The following EXD2 variants were observed in gnomAD, a reference collection of about 807,000 sequenced individuals.
EXD2 encodes exonuclease 3'-5' domain-containing protein 2.
EXD2 carries 40 observed loss-of-function variants against 62.5 expected under a neutral mutation model. That is an observed-to-expected ratio of 0.64 (90% CI 0.50 to 0.83). The LOEUF is 0.83. Among genes scored for constraint, EXD2 ranks in the 40% least tolerant of loss-of-function variants. The pLI is 0.00. For missense variants in EXD2, 671 were observed against 761.8 expected, an observed-to-expected ratio of 0.88 and a Z score of 1.40; for synonymous variants, 239 against 291.9, an observed-to-expected ratio of 0.82 and a Z score of 1.85.
chr14:69,238,965 CAGA>C (rs2043895773), intron 9 of EXD2, among the ~76,000 whole-genome samples: 3 of 152,144 alleles, frequency 2.0e-5, no homozygotes, highest in African/African-American at 7.2e-5. Flanking sequence ...TCCACAGATG[CAGA>C]ACCCACAAAG....
At chr14:69,227,764 G>T (rs567854444) in intron 3 of EXD2, among the ~76,000 whole-genome samples, 1 of 152,106 alleles carries the variant, frequency 6.6e-6, no homozygotes, top group African/African-American at 2.4e-5. Flanking sequence ...AACTCGGGAG[G>T]CGGAGGTTGC....
At chr14:69,238,761 A>G (rs1426179828) in intron 9 of EXD2, among the ~76,000 whole-genome samples, 1 of 151,978 alleles carries the variant, frequency 6.6e-6, no homozygotes, top group African/African-American at 2.4e-5. Flanking sequence ...CAGCCTCCCA[A>G]GTAGCTGGGA....
rs1188037209 is a variant in EXD2, at chr14:69,242,624, G to C, written c.*1524G>C. 2 of 152,190 alleles carry C rather than the reference G, an allele frequency of 1.3e-5. No individual in the cohort carries two copies. Among genetic ancestry groups the C allele is most frequent in the African/African-American group, 2.4e-5 (1 of 41,440 alleles). 9.4% of individuals were successfully genotyped at this position (152,190 alleles called of 1,614,324 possible). A position where few individuals can be genotyped will look rare whatever the true frequency, so the allele number is the denominator to read the frequency against. On this transcript the variant is annotated 3_prime_UTR_variant, in exon 10 of 10. Transcript: ENST00000685843. ...AACTAGAAATCCTTGAAAACAAATA[G>C]TACCAGCCACTTTGAGGAATGTGCA... is the stretch of plus-strand genomic sequence containing the variant.
intron 2 of EXD2, among the ~76,000 whole-genome samples, chr14:69,204,472 G>A (rs2042517701): frequency 6.6e-6 from 1 of 152,172 alleles, no homozygotes; most frequent in Admixed American, 6.5e-5. Flanking sequence ...TCAGGAGGCT[G>A]AAGTGGGAGC....
intron 3 of EXD2, among the ~76,000 whole-genome samples, chr14:69,220,030 T>G (rs72720266): frequency 6.6e-6 from 1 of 152,010 alleles, no homozygotes; most frequent in Non-Finnish European, 1.5e-5. Flanking sequence ...GTTTTTTTTT[T>G]AAATCATGAA....
chr14:69,236,224 T>G, intron 7 of EXD2, 72 bp downstream of exon 7: 3 of 1,515,320 alleles, frequency 2.0e-6, no homozygotes, highest in Non-Finnish European at 2.7e-6. Context: ...GGGAGTGAGA[T>G]AAGGAAGAGG....
chr14:69,228,833 A>G lies in EXD2; in HGVS notation c.351A>G (p.Lys117=). The part of the protein sequence containing the change: ...IDCEWVNLEG[K]ASPLSLLQMA... Reference sequence around the variant, plus strand: ...TGTTGCAGGTAAATTTGGAAGGCAAAGCCAGCCCTCTGTCACTTCTACAAA... The same window carrying G: ...TGTTGCAGGTAAATTTGGAAGGCAAGGCCAGCCCTCTGTCACTTCTACAAA... Residue 117 remains lysine, a synonymous_variant, in exon 4 of 10, where the codon AAA becomes AAG. Coordinates refer to ENST00000685843, the MANE Select transcript of EXD2 (RefSeq NM_001193360.2). The G allele has an allele frequency of 6.2e-7, 1 of 1,613,574 alleles. No homozygotes were observed. The highest frequency in any genetic ancestry group is 8.5e-7 in the Non-Finnish European group (1 of 1,179,778).
intron 1 of EXD2, among the ~76,000 whole-genome samples, chr14:69,203,406 A>C (rs1028253699): frequency 6.6e-6 from 1 of 152,084 alleles, no homozygotes; most frequent in Non-Finnish European, 1.5e-5. Flanking sequence ...TGAATGCCAC[A>C]TTTGAAGAGA....
intron 5 of EXD2, among the ~76,000 whole-genome samples, chr14:69,230,878 G>A (rs2140011235): frequency 6.6e-6 from 1 of 152,280 alleles, no homozygotes; most frequent in East Asian, 1.9e-4. Context: ...TGCCTCCTGG[G>A]TTCAAGCAAT....
chr14:69,211,049 G>C (rs1400902618), intron 3 of EXD2, among the ~76,000 whole-genome samples: 2 of 152,034 alleles, frequency 1.3e-5, no homozygotes, highest in African/African-American at 4.8e-5. Flanking sequence ...CTTAAAATAA[G>C]ACAACAAAGA....
At chr14:69,215,718 T>C (rs1390351097) in intron 3 of EXD2, among the ~76,000 whole-genome samples, 4 of 152,214 alleles carry the variant, frequency 2.6e-5, no homozygotes, top group Non-Finnish European at 5.9e-5. Context: ...TTAATTTGCA[T>C]ATTCCAGATT....
At chr14:69,230,625 A>T in intron 5 of EXD2, 27 bp downstream of exon 5, 1 of 1,581,860 alleles carries the variant, frequency 6.3e-7, no homozygotes, top group Non-Finnish European at 8.6e-7. Context: ...TAGTTGAAGA[A>T]TGGAAAGTCA....
chr14:69,239,830 G>A (rs2043923151), intron 9 of EXD2, among the ~76,000 whole-genome samples: 1 of 152,186 alleles, frequency 6.6e-6, no homozygotes, highest in Non-Finnish European at 1.5e-5. Flanking sequence ...TCGAACTCCT[G>A]ACCTCAAGTG....
intron 2 of EXD2, among the ~76,000 whole-genome samples, chr14:69,208,269 G>A (rs2042680712): frequency 7.4e-6 from 1 of 134,810 alleles, no homozygotes; most frequent in Non-Finnish European, 1.5e-5. Context: ...GGAGTGCAGT[G>A]GCACGATCTC....
At position 69,209,659 on chromosome 14, in the gene EXD2, C is replaced by T. The variant is rs757322538; in HGVS notation, c.189C>T (p.Ser63=). 6.4e-7 allele frequency: 1 copy of T among 1,550,516 alleles called. No homozygotes were observed. Among genetic ancestry groups the T allele is most frequent in the South Asian group, 1.2e-5 (1 of 84,056 alleles). The change falls in exon 3 of 10, where the codon TCC becomes TCT. Residue 63 remains serine (S), a synonymous_variant. Coordinates refer to ENST00000685843, the MANE Select transcript of EXD2 (RefSeq NM_001193360.2). The part of the protein sequence containing the change: ...LPPPEDDQLH[S]SAPRSSWKER... ...CTCCAGAAGATGATCAGCTGCACTC[C>T]AGTGCCCCCAGATCCTCGTGGAAGG...
intron 1 of EXD2, among the ~76,000 whole-genome samples, chr14:69,193,546 T>A (rs2042103838): frequency 6.6e-6 from 1 of 152,262 alleles, no homozygotes; most frequent in African/African-American, 2.4e-5. Context: ...TATTGGATTG[T>A]CTTTTCCTTA....
intron 4 of EXD2, among the ~76,000 whole-genome samples, chr14:69,229,290 T>C (rs1331891315): frequency 3.3e-5 from 5 of 152,248 alleles, no homozygotes; most frequent in South Asian, 2.1e-4. Context: ...CTGAGGGATC[T>C]CTGTAAGCTA....
chr14:69,231,657 T>C (rs1422887212), intron 5 of EXD2, among the ~76,000 whole-genome samples: 1 of 152,104 alleles, frequency 6.6e-6, no homozygotes, highest in African/African-American at 2.4e-5. Flanking sequence ...GTCAGGTCAC[T>C]TACTTGTTTC....
chr14:69,231,902 T>C (rs192727745), intron 5 of EXD2, among the ~76,000 whole-genome samples: 1 of 110,460 alleles, frequency 9.1e-6, no homozygotes, highest in Non-Finnish European at 1.7e-5. Context: ...AAAGGGAGCA[T>C]GAGCAGTAAA....
Sources: allele counts gnomAD v4.1 joint callset (sites outside exome capture counted in the v4.1 genomes callset), GRCh38; gene constraint gnomAD v4.1.1; transcripts MANE v1.5; gene names NCBI Gene and HGNC (gene_info 2026-07-23, HGNC 2026-07-21).